Variants in TLE6 observed in about 807,000 individuals in gnomAD.
TLE6 encodes the protein transducin-like enhancer protein 6.
TLE6 carries 72 observed loss-of-function variants against 77.1 expected under a neutral mutation model. The ratio of observed to expected loss-of-function variants is 0.93; its 90% CI spans 0.77 to 1.14. The LOEUF (loss-of-function observed/expected upper bound fraction) is 1.14, where lower values mean the gene tolerates loss of function less well. Ranked by LOEUF, TLE6 falls within the 50% of genes most tolerant of loss-of-function variation. TLE6 has a pLI of 0.00. For missense variants in TLE6, 843 were observed against 747.6 expected (o/e 1.13, Z -1.49); for synonymous variants, 366 against 287.3 (o/e 1.27, Z -2.77).
At chr19:2,990,092 T>C (rs1468145826) in intron 13 of TLE6, among the ~76,000 whole-genome samples, 1 of 152,032 alleles carries the variant, frequency 6.6e-6, no homozygotes, top group African/African-American at 2.4e-5. Flanking sequence ...AGAGGGCAAA[T>C]TTGTTGTAAA....
intron 8 of TLE6, 94 bp from the exon 9 acceptor site, chr19:2,987,630 G>A: frequency 1.4e-6 from 2 of 1,430,166 alleles, no homozygotes; most frequent in Non-Finnish European, 2.0e-6. Flanking sequence ...ACCCCAGGCA[G>A]CTGACAAGCC....
At chr19:2,993,606 G>A in intron 15 of TLE6, 24 bp downstream of exon 15, 1 of 1,536,718 alleles carries the variant, frequency 6.5e-7, no homozygotes, top group South Asian at 1.3e-5. Context: ...GGAAGATGAG[G>A]GGACTCCCCT....
At chr19:2,990,043 G>T (rs1303656236) in intron 13 of TLE6, among the ~76,000 whole-genome samples, 1 of 152,068 alleles carries the variant, frequency 6.6e-6, no homozygotes, top group Non-Finnish European at 1.5e-5. Context: ...TTCCCCACCT[G>T]GACACAGGAT....
At chr19:2,993,031 A>AC (rs1413613452) in intron 14 of TLE6, among the ~76,000 whole-genome samples, 4 of 129,608 alleles carry the variant, frequency 3.1e-5, no homozygotes, top group African/African-American at 1.6e-4. Context: ...TCTACTAAAA[A>AC]AAAAAAAAAA....
At chr19:2,988,802 A>G (rs2088974247) in intron 11 of TLE6, 4 of 557,002 alleles carry the variant, frequency 7.2e-6, no homozygotes, top group Non-Finnish European at 3.2e-6. Context: ...AGCTAGGACC[A>G]TAAAGGATGA....
intron 2 of TLE6, among the ~76,000 whole-genome samples, chr19:2,979,605 T>G (rs2088753648): frequency 6.6e-6 from 1 of 151,986 alleles, no homozygotes; most frequent in Non-Finnish European, 1.5e-5. Context: ...GGTGAACATT[T>G]TAGACTTTAG....
At chr19:2,978,917 A>G (rs980780997) in intron 2 of TLE6, among the ~76,000 whole-genome samples, 7 of 151,886 alleles carry the variant, frequency 4.6e-5, no homozygotes, top group Admixed American at 2.0e-4. Context: ...TTTTTTTTGT[A>G]AAGGAGTCAG....
intron 5 of TLE6, among the ~76,000 whole-genome samples, chr19:2,983,305 G>A (rs918180365): frequency 2.0e-5 from 3 of 152,218 alleles, no homozygotes; most frequent in African/African-American, 7.2e-5. Context: ...CTTGGGGCGA[G>A]TGGAGCCTGG....
chr19:2,991,426 A>ACACG (rs34402049), intron 13 of TLE6, among the ~76,000 whole-genome samples: 3 of 139,874 alleles, frequency 2.1e-5, no homozygotes, highest in Non-Finnish European at 4.6e-5. Flanking sequence ...ACACACACAC[A>ACACG]TATATATAAT....
At chr19:2,987,301 G>T in intron 7 of TLE6, 55 bp from the exon 8 acceptor site, 3 of 1,614,204 alleles carry the variant, frequency 1.9e-6, no homozygotes, top group South Asian at 2.2e-5. Context: ...GGGCTGTGCA[G>T]TGAACCCTGC....
intron 4 of TLE6, 141 bp downstream of exon 4, chr19:2,981,724 A>G (rs1390023904): frequency 2.1e-6 from 2 of 936,674 alleles, no homozygotes; most frequent in Non-Finnish European, 3.2e-6. Flanking sequence ...TAATCCCAGC[A>G]CTATGGGAGG....
rs1447622747 is a variant in TLE6 at position 2,987,975 on chromosome 19, G to A, written c.702+1G>A. ...GAACACAAGTTGGGGTGTGGTCCAG[G>A]TGAGACCCAGGCCCGAGCTGGTAGC... On this transcript the variant is annotated splice_donor_variant, in intron 10 of 16. Transcript: ENST00000246112. LOFTEE classifies it high-confidence loss of function. The A allele has an allele frequency of 1.2e-6, 2 of 1,610,204 alleles. No individual in the cohort carries two copies. The highest frequency in any genetic ancestry group is 2.7e-5 in the African/African-American group (2 of 74,980).
At chr19:2,986,920 G>C (rs902666077) in intron 6 of TLE6, 29 bp downstream of exon 6, 1 of 1,552,922 alleles carries the variant, frequency 6.4e-7, no homozygotes, top group Non-Finnish European at 8.7e-7. Context: ...AAGGAGGGGA[G>C]GGGACAGGCT....
intron 5 of TLE6, among the ~76,000 whole-genome samples, chr19:2,982,914 A>G (rs972238344): frequency 1.3e-5 from 2 of 152,080 alleles, no homozygotes; most frequent in African/African-American, 4.8e-5. Flanking sequence ...TGAGTGTTCA[A>G]TGAGGGGCCA....
chr19:2,989,812 G>T (rs504199), intron 13 of TLE6, 27 bp downstream of exon 13: 761,728 of 1,609,758 alleles, frequency 0.47, 183,342 homozygotes, highest in African/African-American at 0.66. Context: ...GGAAGGGGAA[G>T]CATCCTGTGC....
chr19:2,994,197 C>G, intron 16 of TLE6, 102 bp downstream of exon 16: 2 of 962,220 alleles, frequency 2.1e-6, no homozygotes, highest in Non-Finnish European at 3.1e-6. Flanking sequence ...AAAAAGTAGC[C>G]AGGTGTGGTG....
intron 5 of TLE6, among the ~76,000 whole-genome samples, chr19:2,983,627 G>C (rs377638999): frequency 4.7e-5 from 7 of 148,946 alleles, no homozygotes; most frequent in Non-Finnish European, 7.4e-5. Flanking sequence ...AGAGGAGGAG[G>C]GGGGGAGGGC....
chr19:2,991,043 T>TACATACATAC (rs1484632172), intron 13 of TLE6, among the ~76,000 whole-genome samples: 83 of 140,350 alleles, frequency 5.9e-4, no homozygotes, highest in African/African-American at 2.1e-3. Flanking sequence ...CATACATACA[T>TACATACATAC]ATATGTATAC....
chr19:2,989,515 A>G lies in TLE6; in HGVS notation c.994-20A>G, dbSNP rs375954831. The stretch of plus-strand genomic sequence containing the variant: ...AATGCCACGGGGGGCGACAGCTCAC[A>G]GTGACTCTGCCCATCCCAGACCCCT... On this transcript the variant is annotated intron_variant, in intron 12 of 16. Transcript: ENST00000246112. 2.2e-5 allele frequency: 35 copies of G among 1,603,092 alleles called. No homozygotes were observed. The highest frequency in any genetic ancestry group is 2.7e-5 in the Non-Finnish European group (32 of 1,174,870).
Sources: gnomAD v4.1 joint callset for allele counts (sites outside exome capture counted in the v4.1 genomes callset) on GRCh38, gnomAD v4.1.1 for gene constraint, MANE v1.5 for transcripts, NCBI Gene and HGNC (gene_info 2026-07-23, HGNC 2026-07-21) for gene names.